PDSS2: variants seen among roughly 807,000 people sequenced by gnomAD.
PDSS2 encodes all trans-polyprenyl-diphosphate synthase PDSS2.
PDSS2 carries 31 observed loss-of-function variants against 44.5 expected under a neutral mutation model. That is an observed-to-expected ratio of 0.70 (90% CI 0.52 to 0.94). PDSS2 has a LOEUF of 0.94. Ranked by LOEUF, PDSS2 falls within the 40% of genes least tolerant of loss-of-function variation. The probability of loss-of-function intolerance (pLI) is 0.00; values close to 1 mark genes in which losing one functional copy is unlikely to be tolerated. For missense variants in PDSS2, 452 were observed against 482.2 expected (o/e 0.94, Z 0.59); for synonymous variants, 157 against 180.3 (o/e 0.87, Z 1.03).
In PDSS2 at chr6:107,400,275, T is replaced by C. The variant is rs554764430; in HGVS notation, c.296+58715A>G. ...TGGTCCTAATTAATTAGGGGACACA[T>C]GGATGCCTACCAACCAGAATAGGCA... On this transcript the variant is annotated intron_variant, in intron 1 of 7. Transcript: ENST00000369037. Among the ~76,000 whole-genome samples, 4 of 152,246 alleles carry C rather than the reference T, an allele frequency of 2.6e-5. No individual in the cohort carries two copies. The East Asian group carries it at 7.8e-4, about 30-fold the overall frequency.
At chr6:107,210,286 T>G (rs1773153291) in intron 6 of PDSS2, 153 bp downstream of exon 6, 1 of 660,866 alleles carries the variant, frequency 1.5e-6, no homozygotes, top group African/African-American at 1.8e-5. Context: ...ATCTTTTACC[T>G]CTTAAAAACG....
intron 2 of PDSS2, among the ~76,000 whole-genome samples, chr6:107,319,594 T>C (rs1056418444): frequency 5.9e-5 from 9 of 152,186 alleles, no homozygotes; most frequent in Non-Finnish European, 1.2e-4. Context: ...GATGAATATA[T>C]TCAACAGATA....
chr6:107,443,329 A>G (rs142632170), intron 1 of PDSS2, among the ~76,000 whole-genome samples: 1 of 152,262 alleles, frequency 6.6e-6, no homozygotes, highest in African/African-American at 2.4e-5. Flanking sequence ...GGATAAAATT[A>G]GATCATCTTA....
intron 7 of PDSS2, among the ~76,000 whole-genome samples, chr6:107,181,889 CAA>C (rs35752637): frequency 0.036 from 4,043 of 111,388 alleles, 151 homozygotes; most frequent in African/African-American, 0.11. Flanking sequence ...GACTCTGTCT[CAA>C]AAAAAAAAAA....
At chr6:107,177,994 T>C (rs1380306537) in intron 7 of PDSS2, among the ~76,000 whole-genome samples, 1 of 152,192 alleles carries the variant, frequency 6.6e-6, no homozygotes, top group African/African-American at 2.4e-5. Context: ...TTTACTTGAA[T>C]CCCTATCTTA....
At chr6:107,321,929 C>T (rs2115175207) in intron 2 of PDSS2, among the ~76,000 whole-genome samples, 1 of 152,254 alleles carries the variant, frequency 6.6e-6, no homozygotes, top group Non-Finnish European at 1.5e-5. Context: ...TTACCACTTC[C>T]ACCCCTGCAA....
chr6:107,294,211 G>A (rs1453969770), intron 2 of PDSS2, among the ~76,000 whole-genome samples: 1 of 152,018 alleles, frequency 6.6e-6, no homozygotes, highest in Non-Finnish European at 1.5e-5. Context: ...GGAATAAAGG[G>A]GCAAAGATCT....
rs543171647 is a variant in PDSS2 at position 107,249,535 on chromosome 6, T to C, written c.631-3916A>G. On this transcript the variant is annotated intron_variant, in intron 3 of 7. Coordinates refer to ENST00000369037, the MANE Select transcript of PDSS2 (RefSeq NM_020381.4). Reference sequence around the variant, plus strand: ...GGAGAGCAATTAAACAGGACATAACTTTCTGCATTTCTGGTGACTGCGAGA... The same window carrying C: ...GGAGAGCAATTAAACAGGACATAACCTTCTGCATTTCTGGTGACTGCGAGA... Among the ~76,000 whole-genome samples, 4 of 152,260 alleles carry C rather than the reference T, an allele frequency of 2.6e-5. No individual in the cohort carries two copies. The East Asian group carries it at 7.7e-4, about 29-fold the overall frequency.
chr6:107,346,292 GC>G (rs1221593979), intron 1 of PDSS2, among the ~76,000 whole-genome samples: 1 of 152,156 alleles, frequency 6.6e-6, no homozygotes, highest in East Asian at 1.9e-4. Flanking sequence ...AGCTGCAGGG[GC>G]AACTGTTTCA....
intron 1 of PDSS2, among the ~76,000 whole-genome samples, chr6:107,369,876 T>C (rs942802066): frequency 1.3e-5 from 2 of 152,022 alleles, no homozygotes; most frequent in African/African-American, 4.8e-5. Context: ...GGTGGTGTTA[T>C]GTCTGTAGTC....
At chr6:107,254,869 A>AT (rs57837565) in intron 3 of PDSS2, among the ~76,000 whole-genome samples, 151 of 146,434 alleles carry the variant, frequency 1.0e-3, no homozygotes, top group African/African-American at 2.8e-3. Context: ...ATAAAACTAC[A>AT]TTTTTTTTTT....
At chr6:107,331,016 C>T (rs536156882) in intron 2 of PDSS2, among the ~76,000 whole-genome samples, 1 of 152,174 alleles carries the variant, frequency 6.6e-6, no homozygotes, top group African/African-American at 2.4e-5. Flanking sequence ...ACTCAGGTCC[C>T]GTTATCTGAT....
Position 107,348,764 on chromosome 6 carries a change from A to G in PDSS2, c.297-14432T>C, listed in dbSNP as rs543745228. Reference sequence around the variant, plus strand: ...TGCTAATGGATACACCAGCGACTCAATGTTGGCCACTTTATCCCAGAAAGG... The same window carrying G: ...TGCTAATGGATACACCAGCGACTCAGTGTTGGCCACTTTATCCCAGAAAGG... On this transcript the variant is annotated intron_variant, in intron 1 of 7. Coordinates refer to ENST00000369037, the MANE Select transcript of PDSS2 (RefSeq NM_020381.4). Among the ~76,000 whole-genome samples, 8 of 152,340 alleles carry G rather than the reference A, an allele frequency of 5.3e-5. No homozygotes were observed. The East Asian group carries it at 1.2e-3, about 22-fold the overall frequency.
At chr6:107,435,046 G>A (rs1781306449) in intron 1 of PDSS2, among the ~76,000 whole-genome samples, 1 of 151,982 alleles carries the variant, frequency 6.6e-6, no homozygotes, top group East Asian at 1.9e-4. Flanking sequence ...AGAGGCCAAG[G>A]CAGGAGGATT....
chr6:107,155,586 T>TC (rs1442300551), intron 7 of PDSS2, among the ~76,000 whole-genome samples: 2 of 151,476 alleles, frequency 1.3e-5, no homozygotes, highest in Non-Finnish European at 3.0e-5. Flanking sequence ...TGTTACTTTT[T>TC]TTTTTTTTTT....
chr6:107,361,250 T>C (rs975182851), intron 1 of PDSS2, among the ~76,000 whole-genome samples: 1 of 152,192 alleles, frequency 6.6e-6, no homozygotes, highest in African/African-American at 2.4e-5. Context: ...GAATTCTAAA[T>C]ATTGAAGGTA....
intron 2 of PDSS2, among the ~76,000 whole-genome samples, chr6:107,288,852 C>T (rs1430937455): frequency 6.7e-6 from 1 of 148,994 alleles, no homozygotes; most frequent in Admixed American, 6.7e-5. Context: ...CTCCGCCTAC[C>T]GGATTCAAGC....
chr6:107,332,086 T>C (rs1777728607), intron 2 of PDSS2, among the ~76,000 whole-genome samples: 1 of 144,812 alleles, frequency 6.9e-6, no homozygotes, highest in Non-Finnish European at 1.5e-5. Flanking sequence ...AAGAGTTTTC[T>C]ACAAAATTTA....
intron 1 of PDSS2, among the ~76,000 whole-genome samples, chr6:107,390,995 A>G (rs1465073223): frequency 6.6e-6 from 1 of 151,974 alleles, no homozygotes; most frequent in African/African-American, 2.4e-5. Flanking sequence ...TTCTAGCTCC[A>G]TAAAATACAA....
Sources: gnomAD v4.1 joint callset for allele counts (sites outside exome capture counted in the v4.1 genomes callset) on GRCh38, gnomAD v4.1.1 for gene constraint, MANE v1.5 for transcripts, NCBI Gene and HGNC (gene_info 2026-07-23, HGNC 2026-07-21) for gene names.